RGL1: variants seen among roughly 807,000 people sequenced by gnomAD.
The protein encoded by RGL1 is ral guanine nucleotide dissociation stimulator-like 1.
In RGL1, 24 loss-of-function variants were observed where a neutral mutation model predicts 95.2. That is an observed-to-expected ratio of 0.25 (90% CI 0.18 to 0.35). The LOEUF (loss-of-function observed/expected upper bound fraction) is 0.35, where lower values mean the gene tolerates loss of function less well. Ranked by LOEUF, RGL1 falls within the 10% of genes least tolerant of loss-of-function variation. The probability of loss-of-function intolerance (pLI) is 1.00; values close to 1 mark genes in which losing one functional copy is unlikely to be tolerated. For missense variants in RGL1, 715 were observed against 936.3 expected (o/e 0.76, Z 3.08); for synonymous variants, 329 against 344.9 (o/e 0.95, Z 0.51).
intron 2 of RGL1, among the ~76,000 whole-genome samples, chr1:183,779,540 G>A (rs939626539): frequency 1.4e-4 from 22 of 152,080 alleles, no homozygotes; most frequent in Non-Finnish European, 1.6e-4. Flanking sequence ...ATGAGCCACC[G>A]TGCCTGGCCA....
At chr1:183,748,394 C>CT (rs56920504) in intron 2 of RGL1, among the ~76,000 whole-genome samples, 4,534 of 69,682 alleles carry the variant, frequency 0.065, 1,168 homozygotes, top group African/African-American at 0.11. Context: ...TTCTCTAGTT[C>CT]TTTTTTTTTT....
At chr1:183,697,674 G>C (rs930028947) in intron 1 of RGL1, among the ~76,000 whole-genome samples, 2 of 152,160 alleles carry the variant, frequency 1.3e-5, no homozygotes, top group South Asian at 4.1e-4. Context: ...TTACTCAAAG[G>C]TTAAAAACTG....
rs189531141 is a variant in RGL1, at chr1:183,871,380, C to T, written c.425+5307C>T. Among the ~76,000 whole-genome samples, 265 of 152,274 alleles carry T rather than the reference C, an allele frequency of 1.7e-3. 1 individual carries two copies. Among genetic ancestry groups the T allele is most frequent in the Non-Finnish European group, 2.2e-3 (150 of 68,018 alleles). ...TTTTCTTTTGCTATGAATCTGTTCT[C>T]TTGTGATTTCAGGTGGAAAACCGAC... On this transcript the variant is annotated intron_variant, in intron 4 of 17. Coordinates refer to ENST00000360851, the MANE Select transcript of RGL1 (RefSeq NM_001297671.3).
chr1:183,809,923 C>A (rs1661593050), intron 2 of RGL1, among the ~76,000 whole-genome samples: 1 of 152,158 alleles, frequency 6.6e-6, no homozygotes, highest in Non-Finnish European at 1.5e-5. Context: ...CACCACTGCA[C>A]TCTAGCCTGA....
In RGL1 at chr1:183,784,612, G is replaced by A; in HGVS notation, c.133-21763G>A. Among the ~76,000 whole-genome samples the A allele has an allele frequency of 1.3e-5, 2 of 152,182 alleles. 1 individual carries two copies. Among genetic ancestry groups the A allele is most frequent in the Admixed American group, 1.3e-4 (2 of 15,286 alleles). On this transcript the variant is annotated intron_variant, in intron 2 of 18. Coordinates refer to the RGL1 transcript ENST00000304685. ...CTTAAGGTTATGACTGACCTTCGACGCTGGGTTTACAGGTGGGAGCAGAGC... is the reference window on the plus strand; with the variant it reads ...CTTAAGGTTATGACTGACCTTCGACACTGGGTTTACAGGTGGGAGCAGAGC...
intron 3 of RGL1, among the ~76,000 whole-genome samples, chr1:183,855,444 A>G (rs949407533): frequency 6.6e-6 from 1 of 152,192 alleles, no homozygotes; most frequent in African/African-American, 2.4e-5. Context: ...AAAATAATTG[A>G]ATTTTTTATT....
chr1:183,906,082 G>A (rs1668302611), intron 13 of RGL1, among the ~76,000 whole-genome samples: 1 of 151,938 alleles, frequency 6.6e-6, no homozygotes, highest in Non-Finnish European at 1.5e-5. Context: ...TCATAAGGGA[G>A]AGTGAAATTG....
At chr1:183,856,985 G>A (rs1331199022) in intron 3 of RGL1, among the ~76,000 whole-genome samples, 1 of 152,148 alleles carries the variant, frequency 6.6e-6, no homozygotes, top group Non-Finnish European at 1.5e-5. Flanking sequence ...CCTCATCCCT[G>A]AAACCTGGGA....
intron 2 of RGL1, among the ~76,000 whole-genome samples, chr1:183,835,239 T>G: frequency 6.6e-6 from 1 of 152,172 alleles, no homozygotes; most frequent in Non-Finnish European, 1.5e-5. Context: ...TTAAATGTTT[T>G]TTTACAAGTC....
chr1:183,728,373 C>T (rs913188826), intron 1 of RGL1, among the ~76,000 whole-genome samples: 3 of 152,124 alleles, frequency 2.0e-5, no homozygotes, highest in Admixed American at 1.3e-4. Context: ...CAATTCCATA[C>T]ATATATAGCC....
At chr1:183,778,101 A>T (rs1418482580) in intron 2 of RGL1, among the ~76,000 whole-genome samples, 1 of 152,104 alleles carries the variant, frequency 6.6e-6, no homozygotes, top group Non-Finnish European at 1.5e-5. Flanking sequence ...TCAAAGCAGG[A>T]TCTATTTATT....
intron 1 of RGL1, among the ~76,000 whole-genome samples, chr1:183,654,798 T>C (rs1372120554): frequency 1.3e-5 from 2 of 152,228 alleles, no homozygotes; most frequent in Non-Finnish European, 2.9e-5. Context: ...TTTAGGGTGA[T>C]TTTAGGGATA....
intron 16 of RGL1, among the ~76,000 whole-genome samples, chr1:183,920,394 G>A (rs950545704): frequency 1.3e-5 from 2 of 152,176 alleles, no homozygotes; most frequent in Non-Finnish European, 2.9e-5. Flanking sequence ...GCTCACATTC[G>A]ATACCTATGA....
intron 2 of RGL1, among the ~76,000 whole-genome samples, chr1:183,810,718 T>C (rs1661650854): frequency 6.6e-6 from 1 of 152,192 alleles, no homozygotes; most frequent in Non-Finnish European, 1.5e-5. Context: ...CTATTTAGAT[T>C]GACTCTACCT....
chr1:183,840,361 G>A (rs557060766), intron 2 of RGL1, among the ~76,000 whole-genome samples: 1 of 152,294 alleles, frequency 6.6e-6, no homozygotes, highest in East Asian at 1.9e-4. Context: ...CACTTCAAGG[G>A]AGAAAGAAGT....
chr1:183,688,876 A>G (rs900906972), intron 1 of RGL1, among the ~76,000 whole-genome samples: 8 of 152,188 alleles, frequency 5.3e-5, no homozygotes. Context: ...CTTCACAGTA[A>G]AAATGATTCC....
At chr1:183,917,632 G>T (rs1669057486) in intron 16 of RGL1, among the ~76,000 whole-genome samples, 1 of 152,220 alleles carries the variant, frequency 6.6e-6, no homozygotes, top group African/African-American at 2.4e-5. Context: ...AACATTTATT[G>T]CGTTCTAGTC....
chr1:183,722,442 T>G (rs1656063002), intron 1 of RGL1, among the ~76,000 whole-genome samples: 1 of 152,048 alleles, frequency 6.6e-6, no homozygotes, highest in Non-Finnish European at 1.5e-5. Context: ...CAAACATCTT[T>G]CATATTTTAT....
intron 1 of RGL1, among the ~76,000 whole-genome samples, chr1:183,674,865 G>T (rs1052655375): frequency 2.6e-5 from 4 of 152,116 alleles, no homozygotes; most frequent in Admixed American, 2.0e-4. Flanking sequence ...CAATCATTCT[G>T]TCTTTATTTA....
Sources: gnomAD v4.1 joint callset for allele counts (sites outside exome capture counted in the v4.1 genomes callset) on GRCh38, gnomAD v4.1.1 for gene constraint, MANE v1.5 for transcripts, NCBI Gene and HGNC (gene_info 2026-07-23, HGNC 2026-07-21) for gene names.